Variants in SRPK2 observed in about 807,000 individuals in gnomAD.
The protein encoded by SRPK2 is SFRS protein kinase 2.
SRPK2 carries 21 observed loss-of-function variants against 90.8 expected under a neutral mutation model. The ratio of observed to expected loss-of-function variants is 0.23; its 90% CI spans 0.16 to 0.33. The LOEUF is 0.33. Among genes scored for constraint, SRPK2 ranks in the 10% least tolerant of loss-of-function variants. SRPK2 has a pLI of 1.00. For synonymous variants in SRPK2, 288 were observed against 311.1 expected, an observed-to-expected ratio of 0.93 and a Z score of 0.78; for missense variants, 620 against 869.0, an observed-to-expected ratio of 0.71 and a Z score of 3.60.
In SRPK2 at chr7:105,386,184, G is replaced by A. The variant is rs189061028; in HGVS notation, c.71+2464C>T. 1.9e-3 allele frequency among the ~76,000 whole-genome samples: 284 copies of A among 152,016 alleles called. 1 individual carries two copies. Among genetic ancestry groups the A allele is most frequent in the African/African-American group, 6.6e-3 (274 of 41,494 alleles). On this transcript the variant is annotated intron_variant, in intron 2 of 15. Coordinates refer to ENST00000393651, the MANE Select transcript of SRPK2 (RefSeq NM_182692.3). The stretch of plus-strand genomic sequence containing the variant: ...AAAATATTAGCCGGGCGTGGTGGCG[G>A]GCGCCTGTAGTCCCAGCTACTCAGG...
At chr7:105,297,205 G>A (rs766139348) in intron 2 of SRPK2, among the ~76,000 whole-genome samples, 5 of 152,030 alleles carry the variant, frequency 3.3e-5, no homozygotes, top group Admixed American at 6.6e-5. Context: ...CATTTTTTGC[G>A]ATTACTTTTG....
In SRPK2 at chr7:105,211,244, AT is replaced by A. The variant is rs879615915; in HGVS notation, c.72-7460del. On this transcript the variant is annotated intron_variant, in intron 2 of 15. Coordinates refer to ENST00000393651, the MANE Select transcript of SRPK2 (RefSeq NM_182692.3). The stretch of plus-strand genomic sequence containing the variant: ...CAGACTTTGGCCTCAAAAAGATCTG[AT>A]TTTTTTTTTTTTAAATAATTGAAAT... Among the ~76,000 whole-genome samples the A allele has an allele frequency of 2.1e-3, 303 of 147,114 alleles. 1 individual carries two copies. Among genetic ancestry groups the A allele is most frequent in the East Asian group, 5.3e-3 (27 of 5,070 alleles).
intron 2 of SRPK2, among the ~76,000 whole-genome samples, chr7:105,352,254 T>G (rs1817281453): frequency 6.6e-6 from 1 of 152,230 alleles, no homozygotes; most frequent in Non-Finnish European, 1.5e-5. Flanking sequence ...GTGTGGGCTG[T>G]ACCCAGTAAC....
chr7:105,254,748 G>A (rs945374398), intron 2 of SRPK2, among the ~76,000 whole-genome samples: 1 of 151,996 alleles, frequency 6.6e-6, no homozygotes, highest in African/African-American at 2.4e-5. Context: ...GGAGTGCAGT[G>A]GTGTGGTCTT....
At chr7:105,128,214 T>C (rs1801483494) in intron 13 of SRPK2, among the ~76,000 whole-genome samples, 1 of 152,126 alleles carries the variant, frequency 6.6e-6, no homozygotes, top group Non-Finnish European at 1.5e-5. Context: ...GAAGGAAGGA[T>C]GGTGACAAGA....
At chr7:105,124,315 G>A (rs958389050) in intron 15 of SRPK2, among the ~76,000 whole-genome samples, 5 of 152,084 alleles carry the variant, frequency 3.3e-5, no homozygotes, top group South Asian at 2.1e-4. Context: ...TGGAGTCCTC[G>A]ATCCCCTCAA....
intron 2 of SRPK2, among the ~76,000 whole-genome samples, chr7:105,356,681 A>T (rs942917311): frequency 6.6e-6 from 1 of 152,190 alleles, no homozygotes; most frequent in Non-Finnish European, 1.5e-5. Flanking sequence ...AGGCAAGTAC[A>T]ACCTGTATTT....
chr7:105,209,605 A>T (rs1272082813), intron 2 of SRPK2, among the ~76,000 whole-genome samples: 1 of 151,732 alleles, frequency 6.6e-6, no homozygotes, highest in Non-Finnish European at 1.5e-5. Flanking sequence ...AGGGGAAAGG[A>T]AAAAGGAAAG....
chr7:105,354,203 C>T (rs1817533539), intron 2 of SRPK2, among the ~76,000 whole-genome samples: 1 of 152,196 alleles, frequency 6.6e-6, no homozygotes, highest in Admixed American at 6.5e-5. Flanking sequence ...ACAGGTCTCC[C>T]CATGTATGGT....
chr7:105,164,386 T>C (rs1205485403), intron 6 of SRPK2, among the ~76,000 whole-genome samples: 2 of 152,236 alleles, frequency 1.3e-5, no homozygotes, highest in African/African-American at 2.4e-5. Context: ...AGGGCAATTT[T>C]GTGAAGAGTT....
intron 2 of SRPK2, among the ~76,000 whole-genome samples, chr7:105,317,893 T>G (rs971029462): frequency 8.6e-5 from 13 of 150,712 alleles, no homozygotes; most frequent in Admixed American, 8.6e-4. Flanking sequence ...GGACTATAGG[T>G]GTGCACCACC....
At chr7:105,122,403 A>T (rs915122736) in intron 15 of SRPK2, among the ~76,000 whole-genome samples, 1 of 152,210 alleles carries the variant, frequency 6.6e-6, no homozygotes, top group Non-Finnish European at 1.5e-5. Flanking sequence ...AGCATCATTC[A>T]TAATAGCCAA....
intron 3 of SRPK2, among the ~76,000 whole-genome samples, chr7:105,181,050 T>G (rs1792717727): frequency 6.6e-6 from 1 of 151,674 alleles, no homozygotes; most frequent in South Asian, 2.1e-4. Context: ...CATTAAAGAG[T>G]GTGCAAAGGA....
chr7:105,228,068 G>A (rs1056433304), intron 2 of SRPK2, among the ~76,000 whole-genome samples: 19 of 152,156 alleles, frequency 1.2e-4, no homozygotes, highest in African/African-American at 4.6e-4. Context: ...CTGAGACGAG[G>A]TCTCACTCTG....
intron 7 of SRPK2, among the ~76,000 whole-genome samples, chr7:105,155,150 T>G (rs1042618705): frequency 5.9e-5 from 9 of 152,080 alleles, no homozygotes; most frequent in African/African-American, 2.2e-4. Context: ...CCAGCTAATT[T>G]TTTATATTTT....
chr7:105,381,774 T>C (rs370134060), intron 2 of SRPK2, among the ~76,000 whole-genome samples: 72 of 152,108 alleles, frequency 4.7e-4, no homozygotes, highest in African/African-American at 1.6e-3. Flanking sequence ...TATTCCAAAG[T>C]CATGGGCTTA....
chr7:105,236,214 G>A (rs1241288161), intron 2 of SRPK2, among the ~76,000 whole-genome samples: 1 of 152,120 alleles, frequency 6.6e-6, no homozygotes, highest in African/African-American at 2.4e-5. Context: ...ATCATACGAA[G>A]GTTGATTTTA....
chr7:105,260,581 C>G (rs1451238636), intron 2 of SRPK2, among the ~76,000 whole-genome samples: 1 of 152,178 alleles, frequency 6.6e-6, no homozygotes, highest in Non-Finnish European at 1.5e-5. Flanking sequence ...GACACATGCA[C>G]ACCTATGTTT....
At chr7:105,128,980 T>C (rs1302906879) in intron 13 of SRPK2, among the ~76,000 whole-genome samples, 2 of 152,010 alleles carry the variant, frequency 1.3e-5, no homozygotes, top group African/African-American at 2.4e-5. Flanking sequence ...AATGAAATAA[T>C]TTTTTTTTGA....
Sources: gnomAD v4.1 joint callset for allele counts (sites outside exome capture counted in the v4.1 genomes callset) on GRCh38, gnomAD v4.1.1 for gene constraint, MANE v1.5 for transcripts, NCBI Gene and HGNC (gene_info 2026-07-23, HGNC 2026-07-21) for gene names.